TP63: variants seen among roughly 807,000 people sequenced by gnomAD.
TP63 encodes the protein tumor protein p63.
Under a neutral mutation model 82.8 loss-of-function variants are expected in TP63, and 17 were observed. The ratio of observed to expected loss-of-function variants is 0.21; its 90% CI spans 0.14 to 0.31. TP63 has a LOEUF of 0.31. Among genes scored for constraint, TP63 ranks in the 10% least tolerant of loss-of-function variants. The pLI is 1.00. For missense variants in TP63, 648 were observed against 895.3 expected, an observed-to-expected ratio of 0.72 and a Z score of 3.52; for synonymous variants, 330 against 321.7, an observed-to-expected ratio of 1.03 and a Z score of -0.28.
upstream of TP63, among the ~76,000 whole-genome samples, chr3:189,630,582 T>C (rs769631150): frequency 1.9e-4 from 29 of 152,118 alleles, no homozygotes; most frequent in Non-Finnish European, 7.3e-5. Flanking sequence ...AACTAGAATA[T>C]TTTTATTAAC....
chr3:189,719,737 A>G (rs1719239212), intron 1 of TP63, among the ~76,000 whole-genome samples: 2 of 152,166 alleles, frequency 1.3e-5, no homozygotes, highest in Admixed American at 1.3e-4. Flanking sequence ...GTAGATCCCT[A>G]TTTCAGAGAG....
chr3:189,869,546 C>T (rs1185768856), intron 9 of TP63, 140 bp downstream of exon 9: 7 of 727,188 alleles, frequency 9.6e-6, no homozygotes, highest in African/African-American at 5.3e-5. Context: ...AACAAACTAC[C>T]GTAGACTAGA....
At chr3:189,759,045 G>A (rs78647045) in intron 3 of TP63, among the ~76,000 whole-genome samples, 9,061 of 152,260 alleles carry the variant, frequency 0.06, 358 homozygotes, top group Admixed American at 0.13. Flanking sequence ...ATGATTAAGA[G>A]CGTGGGCTTT....
At chr3:189,636,117 C>A (rs751509394) in intron 1 of TP63, among the ~76,000 whole-genome samples, 12 of 151,438 alleles carry the variant, frequency 7.9e-5, no homozygotes, top group African/African-American at 1.5e-4. Flanking sequence ...CAGTTGTAAT[C>A]AAAAAAAAAT....
intron 1 of TP63, among the ~76,000 whole-genome samples, chr3:189,731,950 A>G (rs1010250117): frequency 1.3e-5 from 2 of 152,220 alleles, no homozygotes; most frequent in African/African-American, 2.4e-5. Context: ...ATGTTTCAAC[A>G]TATTTATCTA....
chr3:189,672,491 A>G (rs974244289), intron 1 of TP63, among the ~76,000 whole-genome samples: 1 of 152,020 alleles, frequency 6.6e-6, no homozygotes. Flanking sequence ...AGTCCCAGCT[A>G]CTAGGGGAGC....
intron 10 of TP63, among the ~76,000 whole-genome samples, chr3:189,875,619 T>TACAC (rs1481397109): frequency 1.7e-4 from 18 of 103,346 alleles, no homozygotes; most frequent in Non-Finnish European, 3.2e-4. Flanking sequence ...TATATATATA[T>TACAC]ATATATATAT....
At position 189,669,193 on chromosome 3, in the gene TP63, G is replaced by A. The variant is rs377673421; in HGVS notation, c.62+37616G>A. ...GTGGCAGTTAGGTCAGTTGGTTGGT[G>A]TGGTGCTAGTATATAGCAAAAGAAA... On this transcript the variant is annotated intron_variant, in intron 1 of 13. Coordinates refer to ENST00000264731, the MANE Select transcript of TP63 (RefSeq NM_003722.5). Among the ~76,000 whole-genome samples, 51 of 152,004 alleles carry A rather than the reference G, an allele frequency of 3.4e-4. 1 individual carries two copies. The South Asian group carries it at 0.01, about 31-fold the overall frequency.
chr3:189,637,143 G>A (rs866719147), intron 1 of TP63, among the ~76,000 whole-genome samples: 2 of 152,008 alleles, frequency 1.3e-5, no homozygotes, highest in South Asian at 4.2e-4. Context: ...TGAACCTAAT[G>A]TGCATATCTT....
At chr3:189,608,094 A>G in the TP63 span, among the ~76,000 whole-genome samples, 63 of 152,208 alleles carry the variant, frequency 4.1e-4, no homozygotes, top group Non-Finnish European at 6.5e-4. Flanking sequence ...GGCTTTAAAA[A>G]ATAAAGTAAT....
intron 1 of TP63, among the ~76,000 whole-genome samples, chr3:189,652,004 C>T (rs1050094755): frequency 1.4e-5 from 2 of 146,830 alleles, no homozygotes; most frequent in Admixed American, 6.7e-5. Flanking sequence ...CCTGGATGTC[C>T]GAGCAGAAGT....
rs183406543 is a variant in TP63 at position 189,647,924 on chromosome 3, A to G, written c.62+16347A>G. ...AATGTTGCTTCTTTTGAAAGCAATC[A>G]CTATTAAGAGAGCCTATGATATAGA... On this transcript the variant is annotated intron_variant, in intron 1 of 13. Transcript: ENST00000264731. Among the ~76,000 whole-genome samples the G allele has an allele frequency of 1.5e-4, 22 of 147,142 alleles. 4 individuals carry two copies. The East Asian group carries it at 5.0e-3, about 33-fold the overall frequency.
chr3:189,790,364 G>A (rs1018563917), intron 3 of TP63, among the ~76,000 whole-genome samples: 3 of 152,032 alleles, frequency 2.0e-5, no homozygotes, highest in Non-Finnish European at 4.4e-5. Context: ...AAATCCAGAA[G>A]GGGCTGTGAT....
At chr3:189,699,956 T>C (rs1717677847) in intron 1 of TP63, among the ~76,000 whole-genome samples, 1 of 152,222 alleles carries the variant, frequency 6.6e-6, no homozygotes, top group South Asian at 2.1e-4. Context: ...TGGCAGTATC[T>C]TGTTTTAGAA....
chr3:189,737,358 A>G (rs1386111546), intron 1 of TP63, among the ~76,000 whole-genome samples: 1 of 152,166 alleles, frequency 6.6e-6, no homozygotes, highest in Non-Finnish European at 1.5e-5. Flanking sequence ...AGTTGAGACT[A>G]TTATAAAATG....
chr3:189,726,194 A>C (rs1173970628), intron 1 of TP63, among the ~76,000 whole-genome samples: 3 of 151,712 alleles, frequency 2.0e-5, no homozygotes, highest in Non-Finnish European at 4.4e-5. Context: ...ACTCGGTCTT[A>C]CTCTCTGGGT....
rs1711905767 is a variant in TP63, at chr3:189,641,801, C to T, written c.62+10224C>T. On this transcript the variant is annotated intron_variant, in intron 1 of 13. Coordinates refer to ENST00000264731, the MANE Select transcript of TP63 (RefSeq NM_003722.5). ...AATATTTAAGGAAAGCAAACTTATA[C>T]ATGTTCAATCTAAACAAGGTATGTA... is the stretch of plus-strand genomic sequence containing the variant. Among the ~76,000 whole-genome samples, 7 of 152,262 alleles carry T rather than the reference C, an allele frequency of 4.6e-5. No homozygotes were observed. The South Asian group carries it at 1.5e-3, about 32-fold the overall frequency.
chr3:189,727,137 A>C (rs1197060975), intron 1 of TP63, among the ~76,000 whole-genome samples: 1 of 152,262 alleles, frequency 6.6e-6, no homozygotes, highest in Non-Finnish European at 1.5e-5. Context: ...CAGCTATGGG[A>C]CTTGGATTAG....
At chr3:189,621,735 T>C in the TP63 span, among the ~76,000 whole-genome samples, 1 of 152,154 alleles carries the variant, frequency 6.6e-6, no homozygotes, top group Non-Finnish European at 1.5e-5. Context: ...TTTGAAAATA[T>C]TTGTTGCAAT....
Sources: gnomAD v4.1 joint callset for allele counts (sites outside exome capture counted in the v4.1 genomes callset) on GRCh38, gnomAD v4.1.1 for gene constraint, MANE v1.5 for transcripts, NCBI Gene and HGNC (gene_info 2026-07-23, HGNC 2026-07-21) for gene names.